Variants in NKAIN3 observed in about 807,000 individuals in gnomAD.
NKAIN3 encodes sodium/potassium-transporting ATPase subunit beta-1-interacting protein 3.
A neutral mutation model predicts 30.2 loss-of-function variants in NKAIN3; 25 were observed. That is an observed-to-expected ratio of 0.83 (90% confidence interval 0.60 to 1.16). NKAIN3 has a LOEUF of 1.16. Among genes scored for constraint, NKAIN3 ranks in the 50% most tolerant of loss-of-function variants. The pLI is 0.00. For missense variants in NKAIN3, 225 were observed against 254.1 expected, an observed-to-expected ratio of 0.89 and a Z score of 0.78; for synonymous variants, 91 against 89.6, an observed-to-expected ratio of 1.02 and a Z score of -0.09.
intron 3 of NKAIN3, among the ~76,000 whole-genome samples, chr8:62,598,931 G>A (rs954473367): frequency 2.0e-5 from 3 of 151,948 alleles, no homozygotes; most frequent in Non-Finnish European, 2.9e-5. Flanking sequence ...ATCCCAGCTG[G>A]ATCAACATCT....
At chr8:62,588,486 G>T (rs1191278167) in intron 2 of NKAIN3, among the ~76,000 whole-genome samples, 2 of 151,508 alleles carry the variant, frequency 1.3e-5, no homozygotes, top group African/African-American at 4.8e-5. Flanking sequence ...CCAGTTATAG[G>T]ACTATACTAC....
intron 4 of NKAIN3, among the ~76,000 whole-genome samples, chr8:62,850,800 G>A (rs1318526660): frequency 6.6e-6 from 1 of 152,078 alleles, no homozygotes; most frequent in Non-Finnish European, 1.5e-5. Flanking sequence ...TGTCTGTTCT[G>A]TTCCATTGGT....
chr8:62,836,548 C>T (rs1011783372), intron 4 of NKAIN3, among the ~76,000 whole-genome samples: 1 of 152,082 alleles, frequency 6.6e-6, no homozygotes, highest in Admixed American at 6.6e-5. Flanking sequence ...CTGACCTTTT[C>T]TGGTTGTCTT....
At chr8:62,903,817 C>T (rs894846091) in intron 4 of NKAIN3, among the ~76,000 whole-genome samples, 4 of 151,962 alleles carry the variant, frequency 2.6e-5, no homozygotes, top group South Asian at 2.1e-4. Flanking sequence ...CACAGGGTGG[C>T]GGGAGAGAGA....
At chr8:62,963,156 G>A (rs541583724) in intron 6 of NKAIN3, among the ~76,000 whole-genome samples, 1 of 152,204 alleles carries the variant, frequency 6.6e-6, no homozygotes, top group Non-Finnish European at 1.5e-5. Flanking sequence ...GCCTCCCAAA[G>A]TGCTGAGGTT....
chr8:62,843,809 G>C (rs1231200608), intron 4 of NKAIN3, among the ~76,000 whole-genome samples: 1 of 152,084 alleles, frequency 6.6e-6, no homozygotes, highest in Non-Finnish European at 1.5e-5. Flanking sequence ...TCTATGATAA[G>C]AGAGCTTTCT....
At chr8:62,478,780 G>C (rs1361062327) in intron 1 of NKAIN3, among the ~76,000 whole-genome samples, 1 of 152,164 alleles carries the variant, frequency 6.6e-6, no homozygotes, top group African/African-American at 2.4e-5. Context: ...TTAGGGGGTT[G>C]CTGACCCGTA....
intron 1 of NKAIN3, among the ~76,000 whole-genome samples, chr8:62,493,715 T>C (rs1331036970): frequency 6.6e-6 from 1 of 152,142 alleles, no homozygotes; most frequent in Non-Finnish European, 1.5e-5. Flanking sequence ...GATCAGTGTT[T>C]TGTAATTCTC....
At chr8:62,392,233 C>T (rs1817603917) in intron 1 of NKAIN3, among the ~76,000 whole-genome samples, 1 of 151,974 alleles carries the variant, frequency 6.6e-6, no homozygotes, top group Non-Finnish European at 1.5e-5. Flanking sequence ...TATTGGCAAT[C>T]ACTTGGCTTC....
intron 1 of NKAIN3, among the ~76,000 whole-genome samples, chr8:62,327,865 C>CG (rs991549476): frequency 1.1e-4 from 16 of 151,834 alleles, no homozygotes; most frequent in African/African-American, 3.1e-4. Flanking sequence ...AGATCATTTG[C>CG]GGGGGGGATT....
At chr8:62,778,054 C>A (rs1817241671) in intron 4 of NKAIN3, among the ~76,000 whole-genome samples, 1 of 152,116 alleles carries the variant, frequency 6.6e-6, no homozygotes, top group Non-Finnish European at 1.5e-5. Flanking sequence ...TTCCCCCAGA[C>A]AGAGTCTCTG....
intron 4 of NKAIN3, among the ~76,000 whole-genome samples, chr8:62,888,903 G>A (rs1821221749): frequency 6.6e-6 from 1 of 152,112 alleles, no homozygotes; most frequent in Admixed American, 6.6e-5. Context: ...TCAACAAACA[G>A]GTTTTTAATG....
At chr8:62,366,149 T>C (rs1470688606) in intron 1 of NKAIN3, among the ~76,000 whole-genome samples, 1 of 152,072 alleles carries the variant, frequency 6.6e-6, no homozygotes, top group Non-Finnish European at 1.5e-5. Context: ...TTTCTAGGAA[T>C]TTACTGTTTT....
At chr8:62,286,792 A>G (rs1813393241) in intron 1 of NKAIN3, among the ~76,000 whole-genome samples, 1 of 152,032 alleles carries the variant, frequency 6.6e-6, no homozygotes, top group South Asian at 2.1e-4. Flanking sequence ...TTTCAGCATA[A>G]GATTGAGCTG....
chr8:62,342,601 T>G (rs1815787996), intron 1 of NKAIN3, among the ~76,000 whole-genome samples: 1 of 152,094 alleles, frequency 6.6e-6, no homozygotes, highest in Non-Finnish European at 1.5e-5. Flanking sequence ...CTGAGACTCC[T>G]GCACAAAGGA....
At chr8:62,854,119 T>A (rs1312729413) in intron 4 of NKAIN3, among the ~76,000 whole-genome samples, 2 of 152,194 alleles carry the variant, frequency 1.3e-5, no homozygotes, top group Non-Finnish European at 2.9e-5. Flanking sequence ...TTACTTCTGA[T>A]TATGTGATCA....
rs80030368 is a variant in NKAIN3 at position 62,822,040 on chromosome 8, A to T, written c.471+74911A>T. ...GGCTGGAAAAAAATCCCTCCAGGAT[A>T]CAAATTTGAAGATTCATTTTTCTCA... On this transcript the variant is annotated intron_variant, in intron 4 of 6. Coordinates refer to ENST00000623646, the MANE Select transcript of NKAIN3 (RefSeq NM_001304533.3). 2.0e-4 allele frequency among the ~76,000 whole-genome samples: 31 copies of T among 152,262 alleles called. No individual in the cohort carries two copies. The East Asian group carries it at 5.2e-3, about 26-fold the overall frequency.
chr8:62,928,844 G>C (rs964553646), intron 5 of NKAIN3, among the ~76,000 whole-genome samples: 2 of 152,190 alleles, frequency 1.3e-5, no homozygotes, highest in Non-Finnish European at 2.9e-5. Flanking sequence ...GTGCCTTTGA[G>C]GCATAAGGCA....
chr8:62,956,814 T>C (rs910058900), intron 6 of NKAIN3, among the ~76,000 whole-genome samples: 1 of 149,214 alleles, frequency 6.7e-6, no homozygotes, highest in Admixed American at 6.7e-5. Flanking sequence ...CAGCCAATGA[T>C]CTAGGAGGGG....
Sources: gnomAD v4.1 joint callset for allele counts (sites outside exome capture counted in the v4.1 genomes callset) on GRCh38, gnomAD v4.1.1 for gene constraint, MANE v1.5 for transcripts, NCBI Gene and HGNC (gene_info 2026-07-23, HGNC 2026-07-21) for gene names.